Variants in RUFY2 observed in about 807,000 individuals in gnomAD.
RUFY2 encodes RUN and FYVE domain-containing protein 2.
A neutral mutation model predicts 94.4 loss-of-function variants in RUFY2; 49 were observed. That is an observed-to-expected ratio of 0.52 (90% CI 0.41 to 0.66). RUFY2 has a LOEUF of 0.66. Ranked by LOEUF, RUFY2 falls within the 30% of genes least tolerant of loss-of-function variation. RUFY2 has a pLI of 0.00. For synonymous variants in RUFY2, 255 were observed against 235.7 expected, an observed-to-expected ratio of 1.08 and a Z score of -0.75; for missense variants, 541 against 692.8, an observed-to-expected ratio of 0.78 and a Z score of 2.46.
At chr10:68,341,833 G>A, downstream of RUFY2, 1 of 1,610,432 alleles carries the variant, frequency 6.2e-7, no homozygotes, top group Non-Finnish European at 8.5e-7. Context: ...TGGTACTCCT[G>A]ATGGTTTGGG....
chr10:68,399,275 G>A (rs1564851197), intron 3 of RUFY2, among the ~76,000 whole-genome samples: 1 of 151,936 alleles, frequency 6.6e-6, no homozygotes. Context: ...CGAACTCTTG[G>A]GCTCAGGCAA....
Position 68,393,121 on chromosome 10 carries a change from G to A in RUFY2, c.650+17C>T, listed in dbSNP as rs1388920636. 7 of 1,340,336 alleles carry A rather than the reference G, an allele frequency of 5.2e-6. No individual in the cohort carries two copies. The South Asian group carries it at 7.7e-5, about 15-fold the overall frequency. 83.0% of individuals were successfully genotyped at this position (1,340,336 alleles called of 1,614,324 possible). A position where few individuals can be genotyped will look rare whatever the true frequency, so the allele number is the denominator to read the frequency against. On this transcript the variant is annotated intron_variant, in intron 7 of 17. Coordinates refer to ENST00000602465, the MANE Select transcript of RUFY2 (RefSeq NM_001330103.2). The stretch of plus-strand genomic sequence containing the variant: ...AAGACAATATTCATAAATGTGCTAA[G>A]TATCCATAATACTTACTTCAGTTGT...
intron 13 of RUFY2, among the ~76,000 whole-genome samples, chr10:68,369,509 CAAAAA>C (rs888197360): frequency 1.5e-5 from 2 of 131,162 alleles, no homozygotes; most frequent in Non-Finnish European, 3.3e-5. Context: ...AAAAAAAAAA[CAAAAA>C]AAAACCAGGC....
Position 68,345,395 on chromosome 10 carries a change from T to C in RUFY2, c.*373A>G, listed in dbSNP as rs1056358670. The C allele has an allele frequency of 1.3e-5, 5 of 394,510 alleles. No homozygotes were observed. Among genetic ancestry groups the C allele is most frequent in the African/African-American group, 6.2e-5 (3 of 48,522 alleles). The allele number at this position is 394,510 out of a possible 1,614,324, so 24.4% of individuals were successfully genotyped here. A position where few individuals can be genotyped will look rare whatever the true frequency, so the allele number is the denominator to read the frequency against. On this transcript the variant is annotated 3_prime_UTR_variant, in exon 18 of 18. Transcript: ENST00000602465. ...TTATGCGTTTCCAGTTTCAGAACTG[T>C]GAAGCTTTAAAGTGCATTAAGAGAA...
At chr10:68,392,926 CAAAAA>C (rs11432211) in intron 7 of RUFY2, among the ~76,000 whole-genome samples, 1 of 78,560 alleles carries the variant, frequency 1.3e-5, no homozygotes. Context: ...GACTTCATCT[CAAAAA>C]AAAAAAAAAA....
At chr10:68,360,469 T>G (rs2047379523) in intron 15 of RUFY2, among the ~76,000 whole-genome samples, 1 of 151,862 alleles carries the variant, frequency 6.6e-6, no homozygotes. Flanking sequence ...TCAGGCCAGG[T>G]GCGGTGGCTC....
chr10:68,362,581 C>T (rs1327516363), intron 15 of RUFY2, among the ~76,000 whole-genome samples: 1 of 151,470 alleles, frequency 6.6e-6, no homozygotes, highest in African/African-American at 2.4e-5. Flanking sequence ...TGCTTGAGGT[C>T]AGGAGTTTGA....
chr10:68,377,013 G>A, intron 12 of RUFY2, 41 bp from the exon 13 acceptor site: 1 of 1,611,442 alleles, frequency 6.2e-7, no homozygotes, highest in Non-Finnish European at 8.5e-7. Flanking sequence ...ACTGAGGCTA[G>A]AACTAGGGTG....
At chr10:68,393,959 G>T (rs935654462) in intron 6 of RUFY2, 116 bp downstream of exon 6, 1 of 1,414,628 alleles carries the variant, frequency 7.1e-7, no homozygotes, top group African/African-American at 1.5e-5. Context: ...AAATGAAGAA[G>T]TCACAGGGGG....
chr10:68,401,787 G>A (rs776470330), intron 2 of RUFY2, 50 bp from the exon 3 acceptor site: 40 of 1,043,562 alleles, frequency 3.8e-5, no homozygotes, highest in East Asian at 9.5e-5. Context: ...AAAAACTGTA[G>A]TAACTTATTT....
rs544496579 is a variant in RUFY2, at chr10:68,381,570, C to A, written c.940-171G>T. Among the ~76,000 whole-genome samples the A allele has an allele frequency of 6.6e-5, 10 of 152,306 alleles. No homozygotes were observed. The East Asian group carries it at 1.5e-3, about 23-fold the overall frequency. ...AAATATTTTGAAATGCAGGGCCAGGCGCAGTGGCTCATACCTGTAATCCCA... is the reference window on the plus strand; with the variant it reads ...AAATATTTTGAAATGCAGGGCCAGGAGCAGTGGCTCATACCTGTAATCCCA... On this transcript the variant is annotated intron_variant, in intron 10 of 17. Coordinates refer to ENST00000602465, the MANE Select transcript of RUFY2 (RefSeq NM_001330103.2).
chr10:68,354,350 C>T (rs1047007059), intron 16 of RUFY2, among the ~76,000 whole-genome samples: 13 of 151,862 alleles, frequency 8.6e-5, no homozygotes, highest in African/African-American at 3.1e-4. Context: ...CTAATTTTTT[C>T]TTATTTTTTA....
In RUFY2 at chr10:68,345,989, ACTT is replaced by A. The variant is rs1194792824; in HGVS notation, c.1677+15_1677+17del. On this transcript the variant is annotated intron_variant, in intron 17 of 17. Coordinates refer to ENST00000602465, the MANE Select transcript of RUFY2 (RefSeq NM_001330103.2). Reference sequence around the variant, plus strand: ...TTTTGCACTCCAAATTTTTGGACTCACTTCTTATCTCCCTTACCTTTCTCTTAG... The same window carrying A: ...TTTTGCACTCCAAATTTTTGGACTCACTTATCTCCCTTACCTTTCTCTTAG... The A allele has an allele frequency of 6.2e-6, 10 of 1,612,504 alleles. No homozygotes were observed. The highest frequency in any genetic ancestry group is 2.2e-5 in the East Asian group (1 of 44,866).
intron 16 of RUFY2, 80 bp from the exon 17 acceptor site, chr10:68,346,164 T>G: frequency 1.0e-6 from 1 of 981,162 alleles, no homozygotes; most frequent in Non-Finnish European, 1.5e-6. Flanking sequence ...AAGAACATTA[T>G]TTATAGGAAT....
In RUFY2 at chr10:68,394,362, T is replaced by A; in HGVS notation, c.488A>T (p.Asn163Ile). 6.2e-7 allele frequency: 1 copy of A among 1,613,906 alleles called. No individual in the cohort carries two copies. The highest frequency in any genetic ancestry group is 8.5e-7 in the Non-Finnish European group (1 of 1,179,836). ...LLVGLNVIDA[N>I]LCVKGEDLDS... ...TAAATCCTCTCCCTTCACACACAGA[T>A]TAGCATCGATCACATTCAGGCCAAC... Residue 163 changes from asparagine (N) to isoleucine (I), a missense_variant, in exon 5 of 18, where the codon AAT becomes ATT. Coordinates refer to ENST00000602465, the MANE Select transcript of RUFY2 (RefSeq NM_001330103.2).
intron 16 of RUFY2, chr10:68,346,436 T>C: frequency 5.4e-6 from 1 of 185,710 alleles, no homozygotes; most frequent in Non-Finnish European, 1.1e-5. Flanking sequence ...AAATAAAAAT[T>C]GAAAAAATGA....
chr10:68,386,626 C>T (rs1589933333), intron 7 of RUFY2, among the ~76,000 whole-genome samples: 3 of 152,094 alleles, frequency 2.0e-5, no homozygotes, highest in Non-Finnish European at 2.9e-5. Context: ...GGATTACAGG[C>T]GTGAGCAACA....
At chr10:68,400,139 C>T (rs1355258510) in intron 3 of RUFY2, among the ~76,000 whole-genome samples, 3 of 151,940 alleles carry the variant, frequency 2.0e-5, no homozygotes, top group African/African-American at 7.2e-5. Flanking sequence ...GGCAAAACCC[C>T]CATCTCTACT....
intron 7 of RUFY2, among the ~76,000 whole-genome samples, chr10:68,387,227 G>A (rs560004584): frequency 1.3e-5 from 2 of 151,874 alleles, no homozygotes; most frequent in African/African-American, 2.4e-5. Context: ...CGTGGTGGCG[G>A]GCGTCTGTAA....
Sources: allele counts gnomAD v4.1 joint callset (sites outside exome capture counted in the v4.1 genomes callset), GRCh38; gene constraint gnomAD v4.1.1; transcripts MANE v1.5; gene names NCBI Gene and HGNC (gene_info 2026-07-23, HGNC 2026-07-21).